Variants in CSMD1 observed in about 807,000 individuals in gnomAD.
CSMD1 encodes the protein CUB and Sushi multiple domains 1.
A neutral mutation model predicts 417.5 loss-of-function variants in CSMD1; 213 were observed. The ratio of observed to expected loss-of-function variants is 0.51; its 90% confidence interval spans 0.46 to 0.57. CSMD1 has a LOEUF of 0.57. CSMD1 is among the 20% of genes least tolerant of loss of function. The probability of loss-of-function intolerance (pLI) is 0.00; values close to 1 mark genes in which losing one functional copy is unlikely to be tolerated. For missense variants in CSMD1, 6,923 were observed against 4,529.7 expected, an observed-to-expected ratio of 1.53 and a Z score of -15.17; for synonymous variants, 2,862 against 1,736.8, an observed-to-expected ratio of 1.65 and a Z score of -16.11.
chr8:4,702,762 A>T (rs1247243334), intron 1 of CSMD1, among the ~76,000 whole-genome samples: 1 of 152,220 alleles, frequency 6.6e-6, no homozygotes, highest in Non-Finnish European at 1.5e-5. Flanking sequence ...AAGAAAGAGC[A>T]TCCTTTTGCG....
At chr8:4,290,886 GT>G (rs1167591869) in intron 3 of CSMD1, among the ~76,000 whole-genome samples, 2 of 152,112 alleles carry the variant, frequency 1.3e-5, no homozygotes, top group Non-Finnish European at 2.9e-5. Context: ...CCTTTACAAT[GT>G]CAGCTCTCTG....
intron 1 of CSMD1, among the ~76,000 whole-genome samples, chr8:4,867,944 G>C (rs1289452528): frequency 8.1e-6 from 1 of 123,630 alleles, no homozygotes; most frequent in Non-Finnish European, 1.7e-5. Flanking sequence ...ACGTGTGTGT[G>C]TTTCTACAAG....
intron 5 of CSMD1, among the ~76,000 whole-genome samples, chr8:3,962,684 G>T (rs1002062071): frequency 6.6e-6 from 1 of 152,138 alleles, no homozygotes. Context: ...AGCTGGGTGG[G>T]GAGTGTGGTG....
intron 3 of CSMD1, among the ~76,000 whole-genome samples, chr8:4,400,037 C>A (rs1237448147): frequency 6.6e-6 from 1 of 152,072 alleles, no homozygotes; most frequent in Non-Finnish European, 1.5e-5. Flanking sequence ...GACAGACACA[C>A]ACATAATTAA....
At chr8:4,050,416 T>G (rs1053396020) in intron 3 of CSMD1, among the ~76,000 whole-genome samples, 9 of 152,150 alleles carry the variant, frequency 5.9e-5, no homozygotes, top group African/African-American at 2.2e-4. Context: ...TTTTATTTAA[T>G]TTTTGTTTTT....
Position 3,284,066 on chromosome 8 carries a change from A to G in CSMD1, c.4153+78T>C. The G allele has an allele frequency of 2.6e-6, 3 of 1,167,244 alleles. No homozygotes were observed. In the South Asian group the frequency reaches 4.0e-5, roughly 15 times the overall value. The allele number at this position is 1,167,244 out of a possible 1,614,324, so 72.3% of individuals were successfully genotyped here. ...GCATCTGTGTAAGGAGACGCTGGTG[A>G]ATATAAATGGAGGGAGATCTGTGTT... is the stretch of plus-strand genomic sequence containing the variant. On this transcript the variant is annotated intron_variant, in intron 26 of 69. Transcript: ENST00000635120.
At chr8:3,371,477 C>T (rs1271731937) in intron 18 of CSMD1, among the ~76,000 whole-genome samples, 3 of 146,844 alleles carry the variant, frequency 2.0e-5, no homozygotes, top group Non-Finnish European at 4.5e-5. Context: ...GGTTCCTTTG[C>T]TTTTTTTTTT....
chr8:3,943,627 A>T (rs796431995), intron 5 of CSMD1, among the ~76,000 whole-genome samples: 11 of 152,240 alleles, frequency 7.2e-5, no homozygotes, highest in South Asian at 6.2e-4. Flanking sequence ...TAACCAAGAG[A>T]TCAAAGTTAC....
intron 3 of CSMD1, among the ~76,000 whole-genome samples, chr8:4,346,702 A>T (rs990670075): frequency 1.3e-5 from 2 of 152,174 alleles, no homozygotes; most frequent in Non-Finnish European, 1.5e-5. Flanking sequence ...GCTAGTCAGA[A>T]ATGTCGTATT....
At position 3,493,279 on chromosome 8, in the gene CSMD1, G is replaced by C. The variant is rs553374158; in HGVS notation, c.1448+344C>G. Among the ~76,000 whole-genome samples, 9 of 117,962 alleles carry C rather than the reference G, an allele frequency of 7.6e-5. No homozygotes were observed. The South Asian group carries it at 3.1e-3, about 40-fold the overall frequency. 77.4% of individuals were successfully genotyped at this position (117,962 alleles called of 152,430 possible). A position where few individuals can be genotyped will look rare whatever the true frequency, so the allele number is the denominator to read the frequency against. ...ACTGCACTGCAGCCTGGGTGATAGA[G>C]TAAGAACCTGTCTCAAAAAAAAAAA... is the stretch of plus-strand genomic sequence containing the variant. On this transcript the variant is annotated intron_variant, in intron 11 of 69. Coordinates refer to ENST00000635120, the MANE Select transcript of CSMD1 (RefSeq NM_033225.6).
intron 54 of CSMD1, among the ~76,000 whole-genome samples, chr8:2,994,416 G>A (rs754931898): frequency 3.9e-5 from 6 of 152,112 alleles, no homozygotes; most frequent in Non-Finnish European, 7.4e-5. Flanking sequence ...TTGCTGCTGT[G>A]GTGAGGACGC....
chr8:3,957,671 G>A (rs1210626929), intron 5 of CSMD1, among the ~76,000 whole-genome samples: 1 of 151,074 alleles, frequency 6.6e-6, no homozygotes, highest in Non-Finnish European at 1.5e-5. Context: ...GCTATTAACA[G>A]AGCAAGACCA....
At chr8:3,273,789 C>CA in intron 26 of CSMD1, among the ~76,000 whole-genome samples, 1 of 138,060 alleles carries the variant, frequency 7.2e-6, no homozygotes, top group East Asian at 2.2e-4. Flanking sequence ...TCCCCTTTAT[C>CA]ATTTTTATTG....
intron 10 of CSMD1, among the ~76,000 whole-genome samples, chr8:3,542,864 G>T (rs1456904352): frequency 6.6e-6 from 1 of 152,262 alleles, no homozygotes; most frequent in Non-Finnish European, 1.5e-5. Context: ...CTGCTTTCCC[G>T]TGTCCCTCAG....
intron 5 of CSMD1, among the ~76,000 whole-genome samples, chr8:3,952,347 A>G (rs1037968732): frequency 1.3e-5 from 2 of 152,216 alleles, no homozygotes; most frequent in African/African-American, 2.4e-5. Context: ...TAATTCAACC[A>G]TCTTCTGTTG....
At chr8:3,265,423 T>C (rs1399235874) in intron 26 of CSMD1, among the ~76,000 whole-genome samples, 1 of 152,144 alleles carries the variant, frequency 6.6e-6, no homozygotes, top group Non-Finnish European at 1.5e-5. Context: ...TCATATTAAA[T>C]GGGTCGTTAT....
chr8:3,740,346 T>G (rs1796733451), intron 6 of CSMD1, among the ~76,000 whole-genome samples: 1 of 152,188 alleles, frequency 6.6e-6, no homozygotes, highest in Non-Finnish European at 1.5e-5. Context: ...ACTCAAATGA[T>G]CCGCCTTCCT....
intron 1 of CSMD1, among the ~76,000 whole-genome samples, chr8:4,653,706 T>C (rs966522845): frequency 1.3e-5 from 2 of 152,036 alleles, no homozygotes; most frequent in Admixed American, 6.5e-5. Flanking sequence ...ATAACACAAA[T>C]GGCAGAAAAG....
intron 10 of CSMD1, among the ~76,000 whole-genome samples, chr8:3,515,987 G>T (rs1042006614): frequency 1.3e-5 from 2 of 152,144 alleles, no homozygotes; most frequent in African/African-American, 4.8e-5. Flanking sequence ...ATGTTCTAAA[G>T]GTTTAAAATT....
Sources: allele counts gnomAD v4.1 joint callset (sites outside exome capture counted in the v4.1 genomes callset), GRCh38; gene constraint gnomAD v4.1.1; transcripts MANE v1.5; gene names NCBI Gene and HGNC (gene_info 2026-07-23, HGNC 2026-07-21).